Variants in SPTA1 observed in about 807,000 individuals in gnomAD.
SPTA1 encodes spectrin alpha, erythrocytic 1.
In SPTA1, 177 loss-of-function variants were observed where a neutral mutation model predicts 324.7. That is an observed-to-expected ratio of 0.55 (90% CI 0.48 to 0.62). SPTA1 has a LOEUF of 0.62. SPTA1 is among the 20% of genes least tolerant of loss of function. SPTA1 has a pLI of 0.00. For synonymous variants in SPTA1, 1,195 were observed against 1,041.3 expected, an observed-to-expected ratio of 1.15 and a Z score of -2.84; for missense variants, 3,162 against 2,883.6, an observed-to-expected ratio of 1.10 and a Z score of -2.21.
chr1:158,622,045 T>C (rs534513381), intron 43 of SPTA1, among the ~76,000 whole-genome samples: 1 of 152,148 alleles, frequency 6.6e-6, no homozygotes, highest in Non-Finnish European at 1.5e-5. Flanking sequence ...TTTGTATTTT[T>C]AGTAGAGACG....
intron 18 of SPTA1, among the ~76,000 whole-genome samples, chr1:158,660,177 T>C (rs969118455): frequency 1.3e-5 from 2 of 152,092 alleles, no homozygotes; most frequent in Admixed American, 6.6e-5. Context: ...ATAAACCATA[T>C]TGATGATTGC....
At chr1:158,613,517 C>T (rs1005721910) in intron 50 of SPTA1, among the ~76,000 whole-genome samples, 1 of 152,146 alleles carries the variant, frequency 6.6e-6, no homozygotes, top group Non-Finnish European at 1.5e-5. Flanking sequence ...AATTGTAAAG[C>T]TAGTCCTCGA....
chr1:158,619,702 T>C (rs1270016798), intron 44 of SPTA1, among the ~76,000 whole-genome samples: 2 of 152,190 alleles, frequency 1.3e-5, no homozygotes, highest in East Asian at 1.9e-4. Context: ...TATCTAAAAA[T>C]GGTGATATTG....
At position 158,674,536 on chromosome 1, in the gene SPTA1, C is replaced by T. The variant is rs2101924250; in HGVS notation, c.1248+4G>A. 1.2e-6 allele frequency: 2 copies of T among 1,614,126 alleles called. No individual in the cohort carries two copies. Among genetic ancestry groups the T allele is most frequent in the Non-Finnish European group, 1.7e-6 (2 of 1,179,994 alleles). On this transcript the variant is annotated splice_donor_region_variant and intron_variant, in intron 9 of 51. Transcript: ENST00000643759. The stretch of plus-strand genomic sequence containing the variant: ...CCTCCTACTGGGCAGCCTTTCTTCT[C>T]TACCTTATGCTGCTGATGCCTGTCC...
intron 43 of SPTA1, chr1:158,622,771 G>T: frequency 1.9e-6 from 1 of 525,432 alleles, no homozygotes; most frequent in Non-Finnish European, 3.4e-6. Context: ...TCCATCTCAA[G>T]TTAGTTATGC....
chr1:158,644,581 A>G (rs1651854765), intron 29 of SPTA1, among the ~76,000 whole-genome samples, 185 bp from the exon 30 acceptor site: 1 of 152,156 alleles, frequency 6.6e-6, no homozygotes, highest in African/African-American at 2.4e-5. Flanking sequence ...CATACACTTT[A>G]TGTTTCTGTA....
chr1:158,636,705 T>C lies in SPTA1; in HGVS notation c.5246A>G (p.Gln1749Arg), dbSNP rs1651106911. ...QDYGRDLQGVQNLLKKHKRLE... is the reference protein window; with the variant it reads ...QDYGRDLQGVRNLLKKHKRLE... ...GCGTTTGTGCTTCTTCAGCAAGTTC[T>C]GAACCCCCTGAAGATCTCTCCCATA... Residue 1749 changes from glutamine (Q) to arginine (R), a missense_variant, in exon 37 of 52, where the codon CAG becomes CGG. Transcript: ENST00000643759. The C allele has an allele frequency of 3.1e-6, 5 of 1,614,160 alleles. No individual in the cohort carries two copies. In the East Asian group the frequency reaches 1.1e-4, roughly 36 times the overall value.
At chr1:158,620,048 T>C (rs2101759720) in intron 44 of SPTA1, 122 bp downstream of exon 44, 1 of 1,289,128 alleles carries the variant, frequency 7.8e-7, no homozygotes, top group Admixed American at 1.7e-5. Flanking sequence ...TCATGTTTCA[T>C]GACTTCTGTC....
chr1:158,635,149 C>T (rs1398913098), intron 38 of SPTA1, among the ~76,000 whole-genome samples: 2 of 152,012 alleles, frequency 1.3e-5, no homozygotes, highest in Non-Finnish European at 2.9e-5. Context: ...GGTTTGGCTC[C>T]GTTTCCCCAC....
At chr1:158,669,917 A>T in intron 12 of SPTA1, 131 bp from the exon 13 acceptor site, 1 of 837,104 alleles carries the variant, frequency 1.2e-6, no homozygotes, top group Non-Finnish European at 2.0e-6. Context: ...AGCAGATGTA[A>T]GTCCTTATTC....
At chr1:158,614,940 A>C in intron 48 of SPTA1, 1 of 421,686 alleles carries the variant, frequency 2.4e-6, no homozygotes, top group African/African-American at 2.0e-5. Flanking sequence ...AGATCACATA[A>C]GATGGTGAAA....
chr1:158,656,967 A>G lies in SPTA1; in HGVS notation c.2806-311T>C, dbSNP rs139734970. Among the ~76,000 whole-genome samples the G allele has an allele frequency of 1.7e-3, 255 of 152,346 alleles. 4 individuals carry two copies. In the East Asian group the frequency reaches 0.043, roughly 26 times the overall value. On this transcript the variant is annotated intron_variant, in intron 19 of 51. Coordinates refer to ENST00000643759, the MANE Select transcript of SPTA1 (RefSeq NM_003126.4). ...TATAGGATAAACATTAGTGTAACTT[A>G]AAATATGCATACCAATAATTTCTAG...
chr1:158,639,207 T>C (rs894222874), intron 35 of SPTA1: 16 of 262,108 alleles, frequency 6.1e-5, no homozygotes, highest in Non-Finnish European at 1.0e-4. Context: ...TTCATCTTCA[T>C]TTCACATGCC....
At chr1:158,615,701 TATCTATC>T (rs1180781298) in intron 47 of SPTA1, among the ~76,000 whole-genome samples, 6 of 119,130 alleles carry the variant, frequency 5.0e-5, no homozygotes, top group South Asian at 5.2e-4. Context: ...ATCTATCATC[TATCTATC>T]ATCTATCTAT....
At position 158,657,574 on chromosome 1, in the gene SPTA1, T is replaced by C. The variant is rs1409323128; in HGVS notation, c.2708A>G (p.Gln903Arg). The C allele has an allele frequency of 6.2e-7, 1 of 1,610,240 alleles. No individual in the cohort carries two copies. The highest frequency in any genetic ancestry group is 8.5e-7 in the Non-Finnish European group (1 of 1,177,704). The change falls in exon 19 of 52, where the codon CAG becomes CGG. Residue 903 changes from glutamine to arginine, a missense_variant. Coordinates refer to ENST00000643759, the MANE Select transcript of SPTA1 (RefSeq NM_003126.4). ...TGCTTCATGCAGGTCAGCCAGGTAC[T>C]GCTGGAACTGGACATTGGCTTCAAG... ...NDLEANVQFQ[Q>R]YLADLHEAET...
chr1:158,671,451 G>T lies in SPTA1; in HGVS notation c.1491C>A (p.Ala497=). 1 of 1,612,316 alleles carries T rather than the reference G, an allele frequency of 6.2e-7. No individual in the cohort carries two copies. The highest frequency in any genetic ancestry group is 2.0e-4 in the Middle Eastern group (1 of 5,050). ...QVDSWMSRQE[A]FLENEDLGNS... ...TTCCCAGATCCTCGTTTTCCAGGAA[G>T]GCCTGTAGAAGACAGAAAGACACAC... Residue 497 remains alanine (A), a splice_region_variant and synonymous_variant, in exon 12 of 52, where the codon GCC becomes GCA. Transcript: ENST00000643759.
chr1:158,685,411 T>C, intron 1 of SPTA1, 64 bp from the exon 2 acceptor site: 1 of 1,600,246 alleles, frequency 6.2e-7, no homozygotes, highest in Non-Finnish European at 8.5e-7. Context: ...GCCCCGCTTA[T>C]ATGTGTCAAG....
Position 158,615,229 on chromosome 1 carries a change from G to C in SPTA1, c.6775C>G (p.Gln2259Glu). Residue 2259 changes from glutamine to glutamate, a missense_variant, in exon 48 of 52, where the codon CAG becomes GAG. By Grantham distance (29) the Gln-to-Glu change is conservative. Coordinates refer to ENST00000643759, the MANE Select transcript of SPTA1 (RefSeq NM_003126.4). ...GLRMQHNLEQ[Q>E]IQAKDIKGVS... ...CGCCCTCAATACTTGGCCTGGATCT[G>C]TTGCTCCAGGTTGTGTTGCATCCGC... 6.2e-7 allele frequency: 1 copy of C among 1,613,352 alleles called. No individual in the cohort carries two copies. The highest frequency in any genetic ancestry group is 8.5e-7 in the Non-Finnish European group (1 of 1,180,006).
intron 51 of SPTA1, 89 bp downstream of exon 51, chr1:158,612,728 G>A (rs1649335223): frequency 7.0e-7 from 1 of 1,437,350 alleles, no homozygotes; most frequent in African/African-American, 1.4e-5. Flanking sequence ...ACAAGTGGGT[G>A]GGTTTTTTCA....
Sources: allele counts gnomAD v4.1 joint callset (sites outside exome capture counted in the v4.1 genomes callset), GRCh38; gene constraint gnomAD v4.1.1; transcripts MANE v1.5; gene names NCBI Gene and HGNC (gene_info 2026-07-23, HGNC 2026-07-21).